Variants in KCNK15 observed in about 807,000 individuals in gnomAD.
KCNK15 encodes the protein potassium channel subfamily K member 15.
A neutral mutation model predicts 8.5 loss-of-function variants in KCNK15; 9 were observed. That is an observed-to-expected ratio of 1.06 (90% CI 0.64 to 1.85). The LOEUF (loss-of-function observed/expected upper bound fraction) is 1.85, where lower values mean the gene tolerates loss of function less well. Among genes scored for constraint, KCNK15 ranks in the 40% most tolerant of loss-of-function variants. The pLI is 0.00. For missense variants in KCNK15, 467 were observed against 476.8 expected (o/e 0.98, Z 0.19); for synonymous variants, 224 against 232.7 (o/e 0.96, Z 0.34).
intron 1 of KCNK15, chr20:44,747,188 G>C (rs1317333270): frequency 6.6e-6 from 1 of 152,204 alleles, no homozygotes; most frequent in East Asian, 1.9e-4. Context: ...AAAAGTATGA[G>C]TTCTGGAATC....
Position 44,750,856 on chromosome 20 carries a change from G to A in KCNK15, c.*18G>A, listed in dbSNP as rs900371964. The A allele has an allele frequency of 2.9e-6, 4 of 1,372,946 alleles. No homozygotes were observed. In the Admixed American group the frequency reaches 9.2e-5, roughly 32 times the overall value. 85.0% of individuals were successfully genotyped at this position (1,372,946 alleles called of 1,614,324 possible). A position where few individuals can be genotyped will look rare whatever the true frequency, so the allele number is the denominator to read the frequency against. On this transcript the variant is annotated 3_prime_UTR_variant, in exon 2 of 2. Coordinates refer to ENST00000372861, the MANE Select transcript of KCNK15 (RefSeq NM_022358.4). ...CCATCTGACAACCCCACCCAGGCCAGGGTCGAATCTGGAATGGGAGGGTCT... is the reference window on the plus strand; with the variant it reads ...CCATCTGACAACCCCACCCAGGCCAAGGTCGAATCTGGAATGGGAGGGTCT...
At position 44,746,058 on chromosome 20, in the gene KCNK15, A is replaced by C; in HGVS notation, c.148A>C (p.Arg50=). 6.4e-7 allele frequency: 1 copy of C among 1,554,160 alleles called. No individual in the cohort carries two copies. Among genetic ancestry groups the C allele is most frequent in the African/African-American group, 1.4e-5 (1 of 71,342 alleles). The part of the protein sequence containing the change: ...LLVQKRGALR[R]KFGFSAEDYR... ...GGTCCAGAAGCGGGGCGCTCTCCGG[A>C]GGAAGTTCGGCTTCTCGGCCGAGGA... is the stretch of plus-strand genomic sequence containing the variant. Residue 50 remains arginine, a synonymous_variant, in exon 1 of 2, where the codon AGG becomes CGG. Transcript: ENST00000372861.
In KCNK15 at chr20:44,745,917, A is replaced by C. The variant is rs2066004262; in HGVS notation, c.7A>C (p.Arg3=). Residue 3 remains arginine (R), a synonymous_variant, in exon 1 of 2, where the codon AGG becomes CGG. Coordinates refer to ENST00000372861, the MANE Select transcript of KCNK15 (RefSeq NM_022358.4). Reference sequence around the variant, plus strand: ...GTACCGGGGCCGGGGCGCCATGCGGAGGCCGAGCGTGCGCGCGGCCGGGCT... The same window carrying C: ...GTACCGGGGCCGGGGCGCCATGCGGCGGCCGAGCGTGCGCGCGGCCGGGCT... MR[R]PSVRAAGLVL... 7.6e-7 allele frequency: 1 copy of C among 1,319,020 alleles called. No individual in the cohort carries two copies. Among genetic ancestry groups the C allele is most frequent in the African/African-American group, 1.5e-5 (1 of 65,862 alleles). 81.7% of individuals were successfully genotyped at this position (1,319,020 alleles called of 1,614,324 possible).
In KCNK15 at chr20:44,752,214, CCAGAGGGCCTCG is replaced by C. The variant is rs1409174327; in HGVS notation, c.*1377_*1388del. 1 of 152,236 alleles carries C rather than the reference CCAGAGGGCCTCG, an allele frequency of 6.6e-6. No homozygotes were observed. The highest frequency in any genetic ancestry group is 1.5e-5 in the Non-Finnish European group (1 of 68,064). The allele number at this position is 152,236 out of a possible 1,614,324, so 9.4% of individuals were successfully genotyped here. ...GTGCTGCTCCAGATGTGGGGCCCTC[CCAGAGGGCCTCG>C]GAGACACCATAGGGGAACAGGGAGA... On this transcript the variant is annotated 3_prime_UTR_variant, in exon 2 of 2. Coordinates refer to ENST00000372861, the MANE Select transcript of KCNK15 (RefSeq NM_022358.4).
At position 44,750,902 on chromosome 20, in the gene KCNK15, C is replaced by A; in HGVS notation, c.*64C>A. The A allele has an allele frequency of 1.8e-6, 2 of 1,141,430 alleles. No homozygotes were observed. Among genetic ancestry groups the A allele is most frequent in the South Asian group, 2.3e-5 (1 of 44,278 alleles). The allele number at this position is 1,141,430 out of a possible 1,614,324, so 70.7% of individuals were successfully genotyped here. On this transcript the variant is annotated 3_prime_UTR_variant, in exon 2 of 2. Coordinates refer to ENST00000372861, the MANE Select transcript of KCNK15 (RefSeq NM_022358.4). ...GGTCTGGCTTCAGCTATCAGGGCAC[C>A]CTCCCCAGGGATTGGAAACGGATGA...
Position 44,746,081 on chromosome 20 carries a change from G to A in KCNK15, c.171G>A (p.Glu57=), listed in dbSNP as rs770422205. The A allele has an allele frequency of 2.3e-5, 35 of 1,544,582 alleles. 1 individual carries two copies. In the East Asian group the frequency reaches 8.4e-4, roughly 37 times the overall value. The change falls in exon 1 of 2, where the codon GAG becomes GAA. Residue 57 remains glutamate (E), a synonymous_variant. Coordinates refer to ENST00000372861, the MANE Select transcript of KCNK15 (RefSeq NM_022358.4). ...GGAGGAAGTTCGGCTTCTCGGCCGA[G>A]GACTACCGCGAGCTGGAGCGCCTGG... ...ALRRKFGFSA[E]DYRELERLAL...
intron 1 of KCNK15, among the ~76,000 whole-genome samples, chr20:44,747,603 C>A (rs996587526): frequency 4.6e-5 from 7 of 152,176 alleles, no homozygotes; most frequent in African/African-American, 1.4e-4. Context: ...GGCCTCTTAC[C>A]CTGGTTCTTT....
intron 1 of KCNK15, among the ~76,000 whole-genome samples, chr20:44,747,519 C>T (rs148964282): frequency 1.3e-5 from 2 of 152,332 alleles, no homozygotes; most frequent in East Asian, 3.9e-4. Flanking sequence ...TTACCGTGCC[C>T]ACTGGTCTGG....
At chr20:44,746,448 A>G (rs2066008423) in intron 1 of KCNK15, among the ~76,000 whole-genome samples, 1 of 152,190 alleles carries the variant, frequency 6.6e-6, no homozygotes, top group South Asian at 2.1e-4. Flanking sequence ...CAAAAGGCTG[A>G]CCCAGGAGTG....
chr20:44,750,237 G>A lies in KCNK15; in HGVS notation c.392G>A (p.Arg131Gln). 1.9e-6 allele frequency: 3 copies of A among 1,610,430 alleles called. No individual in the cohort carries two copies. The highest frequency in any genetic ancestry group is 2.5e-6 in the Non-Finnish European group (3 of 1,178,824). ...TLVTFQSLGE[R>Q]LNAVVRRLLL... ...GTCACTTTCCAGAGCCTGGGCGAAC[G>A]GCTGAACGCGGTGGTGCGGCGCCTC... is the stretch of plus-strand genomic sequence containing the variant. The change falls in exon 2 of 2, where the codon CGG (arginine) becomes CAG (glutamine). Residue 131 changes from arginine to glutamine, a missense_variant. Transcript: ENST00000372861.
intron 1 of KCNK15, 126 bp from the exon 2 acceptor site, chr20:44,750,003 G>A: frequency 1.2e-6 from 1 of 805,320 alleles, no homozygotes; most frequent in South Asian, 1.8e-5. Context: ...GTTAGGACTA[G>A]TATTTGGAGA....
At position 44,751,653 on chromosome 20, in the gene KCNK15, C is replaced by G. The variant is rs1029436301; in HGVS notation, c.*815C>G. 6.6e-6 allele frequency: 1 copy of G among 152,188 alleles called. No homozygotes were observed. Among genetic ancestry groups the G allele is most frequent in the African/African-American group, 2.4e-5 (1 of 41,428 alleles). The allele number at this position is 152,188 out of a possible 1,614,324, so 9.4% of individuals were successfully genotyped here. ...TCATCCAGAACCCTGCTCCCTCTTA[C>G]GCATCTCTGGCAGGACTTTCTGGAA... On this transcript the variant is annotated 3_prime_UTR_variant, in exon 2 of 2. Coordinates refer to ENST00000372861, the MANE Select transcript of KCNK15 (RefSeq NM_022358.4).
rs73907550 is a variant in KCNK15, at chr20:44,746,662, T to C, written c.283+469T>C. The C allele has an allele frequency of 8.5e-3, 1,318 of 155,546 alleles. 19 individuals are homozygous for C. The highest frequency in any genetic ancestry group is 0.03 in the African/African-American group (1,253 of 41,684). 9.6% of individuals were successfully genotyped at this position (155,546 alleles called of 1,614,324 possible). On this transcript the variant is annotated intron_variant, in intron 1 of 1. Transcript: ENST00000372861. ...CTCAGGGCTGTGGTGAGAGTTATTA[T>C]TCAGGAGACAGACTATGCACAGACA...
chr20:44,745,922 G>A lies in KCNK15; in HGVS notation c.12G>A (p.Pro4=). 7.5e-7 allele frequency: 1 copy of A among 1,330,336 alleles called. No individual in the cohort carries two copies. 82.4% of individuals were successfully genotyped at this position (1,330,336 alleles called of 1,614,324 possible). The change falls in exon 1 of 2, where the codon CCG becomes CCA. Residue 4 remains proline, a synonymous_variant. Coordinates refer to ENST00000372861, the MANE Select transcript of KCNK15 (RefSeq NM_022358.4). The part of the protein sequence containing the change: MRR[P]SVRAAGLVLC... ...GGGGCCGGGGCGCCATGCGGAGGCC[G>A]AGCGTGCGCGCGGCCGGGCTGGTCC...
chr20:44,746,624 T>G (rs2066009066), intron 1 of KCNK15: 2 of 161,750 alleles, frequency 1.2e-5, no homozygotes, highest in South Asian at 4.0e-4. Context: ...ATAGTGTCGC[T>G]AATCGGCCTT....
At chr20:44,749,976 G>A (rs1292855671) in intron 1 of KCNK15, among the ~76,000 whole-genome samples, 153 bp from the exon 2 acceptor site, 2 of 152,242 alleles carry the variant, frequency 1.3e-5, no homozygotes, top group African/African-American at 4.8e-5. Context: ...CTGAAGTTTG[G>A]GGTGATGAAT....
Position 44,750,207 on chromosome 20 carries a change from C to T in KCNK15, c.362C>T (p.Thr121Met). ...TACGCGCTCCTGGGCATCCCGCTGA[C>T]GCTGGTCACTTTCCAGAGCCTGGGC... is the stretch of plus-strand genomic sequence containing the variant. The part of the protein sequence containing the change: ...MFYALLGIPL[T>M]LVTFQSLGER... The change falls in exon 2 of 2, where the codon ACG becomes ATG. Residue 121 changes from threonine to methionine, a missense_variant. Physicochemically the swap from Thr to Met is moderately conservative, Grantham distance 81. Transcript: ENST00000372861. 1 of 1,612,718 alleles carries T rather than the reference C, an allele frequency of 6.2e-7. No individual in the cohort carries two copies. Among genetic ancestry groups the T allele is most frequent in the Non-Finnish European group, 8.5e-7 (1 of 1,179,700 alleles).
Position 44,746,105 on chromosome 20 carries a change from G to C in KCNK15, c.195G>C (p.Leu65=), listed in dbSNP as rs112757483. 1.3e-6 allele frequency: 2 copies of C among 1,500,262 alleles called. No homozygotes were observed. The allele number at this position is 1,500,262 out of a possible 1,614,324, so 92.9% of individuals were successfully genotyped here. A position where few individuals can be genotyped will look rare whatever the true frequency, so the allele number is the denominator to read the frequency against. The change falls in exon 1 of 2, where the codon CTG becomes CTC. Residue 65 remains leucine (L), a synonymous_variant. Transcript: ENST00000372861. ...SAEDYRELER[L]ALQAEPHRAG... is the part of the protein sequence containing the mutation. ...AGGACTACCGCGAGCTGGAGCGCCT[G>C]GCGCTCCAGGCTGAGCCCCACCGCG...
In KCNK15 at chr20:44,751,555, A is replaced by T. The variant is rs1346526634; in HGVS notation, c.*717A>T. On this transcript the variant is annotated 3_prime_UTR_variant, in exon 2 of 2. Transcript: ENST00000372861. ...AGCTCTCTTCCGGGTCCTGTCAATC[A>T]CCAGCAATATGACCTTGGAGAATCG... 1 of 152,212 alleles carries T rather than the reference A, an allele frequency of 6.6e-6. No homozygotes were observed. Among genetic ancestry groups the T allele is most frequent in the Non-Finnish European group, 1.5e-5 (1 of 68,066 alleles). The allele number at this position is 152,212 out of a possible 1,614,324, so 9.4% of individuals were successfully genotyped here.
Sources: gnomAD v4.1 joint callset for allele counts (sites outside exome capture counted in the v4.1 genomes callset) on GRCh38, gnomAD v4.1.1 for gene constraint, MANE v1.5 for transcripts, NCBI Gene and HGNC (gene_info 2026-07-23, HGNC 2026-07-21) for gene names.